EYS: variants seen among roughly 807,000 people sequenced by gnomAD.
EYS encodes protein eyes shut homolog.
EYS carries 250 observed loss-of-function variants against 282.1 expected under a neutral mutation model. That is an observed-to-expected ratio of 0.89 (90% confidence interval 0.80 to 0.98). EYS has a LOEUF of 0.98. Among genes scored for constraint, EYS ranks in the 50% least tolerant of loss-of-function variants. EYS has a pLI of 0.00. For synonymous variants in EYS, 1,355 were observed against 1,282.9 expected (o/e 1.06, Z -1.20); for missense variants, 4,016 against 3,709.0 (o/e 1.08, Z -2.15).
chr6:65,431,998 T>A (rs185631628), intron 5 of EYS, among the ~76,000 whole-genome samples: 1 of 152,238 alleles, frequency 6.6e-6, no homozygotes, highest in Non-Finnish European at 1.5e-5. Context: ...CCAAAAACAA[T>A]TCCTCACTAG....
rs190424751 is a variant in EYS, at chr6:64,386,178, T to C, written c.6078+2512A>G. ...AGCAGGAACACACACAAAGGACTGA[T>C]GGATTAGTGGTGATGGCAAGCCAGT... On this transcript the variant is annotated intron_variant, in intron 29 of 42. Coordinates refer to ENST00000503581, the MANE Select transcript of EYS (RefSeq NM_001142800.2). 6.6e-5 allele frequency among the ~76,000 whole-genome samples: 10 copies of C among 152,274 alleles called. No homozygotes were observed. The East Asian group carries it at 1.7e-3, about 26-fold the overall frequency.
rs542256439 is a variant in EYS, at chr6:65,263,246, TG to T, written c.2023+32616del. Among the ~76,000 whole-genome samples the T allele has an allele frequency of 7.9e-5, 12 of 151,950 alleles. No homozygotes were observed. In the East Asian group the frequency reaches 2.1e-3, roughly 27 times the overall value. On this transcript the variant is annotated intron_variant, in intron 12 of 42. Coordinates refer to ENST00000503581, the MANE Select transcript of EYS (RefSeq NM_001142800.2). Reference sequence around the variant, plus strand: ...GTCCCAGCTACTCAGAAGGCTGAAGTGGGATGATCACCTGAGCCCAGGAGGT... The same window carrying T: ...GTCCCAGCTACTCAGAAGGCTGAAGTGGATGATCACCTGAGCCCAGGAGGT...
At chr6:64,912,436 C>T (rs1768028410) in intron 16 of EYS, 48 bp downstream of exon 16, 1 of 1,506,510 alleles carries the variant, frequency 6.6e-7, no homozygotes, top group African/African-American at 1.4e-5. Flanking sequence ...AATACACAAA[C>T]TAATTAAGTA....
At chr6:64,301,695 G>GA (rs1561916888) in intron 30 of EYS, among the ~76,000 whole-genome samples, 2 of 151,942 alleles carry the variant, frequency 1.3e-5, no homozygotes, top group Non-Finnish European at 2.9e-5. Flanking sequence ...CGCAGGCCAT[G>GA]TAGACCTTGC....
At chr6:63,928,320 A>C (rs1764781161) in intron 35 of EYS, among the ~76,000 whole-genome samples, 1 of 152,172 alleles carries the variant, frequency 6.6e-6, no homozygotes, top group South Asian at 2.1e-4. Flanking sequence ...ATAATGCTAT[A>C]CTGATTCATT....
chr6:65,279,137 C>T (rs1323700320), intron 12 of EYS, among the ~76,000 whole-genome samples: 2 of 151,850 alleles, frequency 1.3e-5, no homozygotes, highest in Non-Finnish European at 2.9e-5. Flanking sequence ...GACAATGAGC[C>T]AAGATCACGC....
In EYS at chr6:64,658,080, CTCT is replaced by C. The variant is rs1768823203; in HGVS notation, c.3444-31838_3444-31836del. Among the ~76,000 whole-genome samples, 3 of 152,202 alleles carry C rather than the reference CTCT, an allele frequency of 2.0e-5. No individual in the cohort carries two copies. The South Asian group carries it at 6.2e-4, about 32-fold the overall frequency. ...TTTTTACTCTTTTTCCTCTAAACTTCTCTTCTTGCTTCATTTCATTCATTTGAT... is the reference window on the plus strand; with the variant it reads ...TTTTTACTCTTTTTCCTCTAAACTTCTCTTGCTTCATTTCATTCATTTGAT... On this transcript the variant is annotated intron_variant, in intron 22 of 42. Transcript: ENST00000503581.
chr6:65,054,722 A>C (rs188787198), intron 13 of EYS, among the ~76,000 whole-genome samples: 6 of 152,148 alleles, frequency 3.9e-5, no homozygotes, highest in Middle Eastern at 6.8e-3. Flanking sequence ...AAATAATTTA[A>C]CCTTGTTTTT....
At chr6:64,982,260 A>C (rs9354197) in intron 14 of EYS, among the ~76,000 whole-genome samples, 10,198 of 151,414 alleles carry the variant, frequency 0.067, 434 homozygotes, top group East Asian at 0.13. Context: ...CAAAGTTTTG[A>C]ATTACTGTAG....
At chr6:64,513,937 G>A (rs1322759774) in intron 26 of EYS, among the ~76,000 whole-genome samples, 2 of 151,834 alleles carry the variant, frequency 1.3e-5, no homozygotes, top group Non-Finnish European at 2.9e-5. Context: ...GACCACTGCT[G>A]TACTATGGAA....
chr6:63,803,986 CT>C (rs1770841368), intron 37 of EYS, among the ~76,000 whole-genome samples: 1 of 152,068 alleles, frequency 6.6e-6, no homozygotes, highest in African/African-American at 2.4e-5. Context: ...AAAAGATACA[CT>C]ACCGTGTTTA....
intron 36 of EYS, among the ~76,000 whole-genome samples, chr6:63,813,950 G>T (rs1281968506): frequency 2.0e-5 from 3 of 152,166 alleles, no homozygotes; most frequent in Non-Finnish European, 4.4e-5. Context: ...GGATAAATTT[G>T]CAAAAATACA....
intron 19 of EYS, among the ~76,000 whole-genome samples, chr6:64,874,374 A>C (rs922695738): frequency 6.6e-6 from 1 of 152,096 alleles, no homozygotes; most frequent in Non-Finnish European, 1.5e-5. Flanking sequence ...AATTAGTGAA[A>C]AATCTGTTTT....
chr6:64,655,069 G>A (rs906091552), intron 22 of EYS, among the ~76,000 whole-genome samples: 1 of 151,876 alleles, frequency 6.6e-6, no homozygotes, highest in African/African-American at 2.4e-5. Context: ...GAAAAAAATC[G>A]ATCCATCAAA....
intron 19 of EYS, among the ~76,000 whole-genome samples, chr6:64,875,421 C>T (rs766695206): frequency 6.6e-6 from 1 of 152,026 alleles, no homozygotes; most frequent in Non-Finnish European, 1.5e-5. Context: ...CAGTTGGGTG[C>T]TCCGGGCTAT....
At chr6:64,888,344 C>T (rs980151208) in intron 18 of EYS, among the ~76,000 whole-genome samples, 61 of 151,864 alleles carry the variant, frequency 4.0e-4, no homozygotes, top group African/African-American at 1.4e-3. Context: ...TATCCTTATT[C>T]GTTCATTACA....
At chr6:65,231,051 GTA>G (rs201704316) in intron 12 of EYS, among the ~76,000 whole-genome samples, 14 of 144,790 alleles carry the variant, frequency 9.7e-5, no homozygotes, top group South Asian at 6.4e-4. Context: ...AAAATTAAAA[GTA>G]TATATATATG....
chr6:65,005,104 G>A lies in EYS; in HGVS notation c.2138-7401C>T, dbSNP rs984251980. On this transcript the variant is annotated intron_variant, in intron 13 of 42. Transcript: ENST00000503581. ...TTGTTATGGCTTGAGCTGAGCTTTC[G>A]CTTGCCGTCCACCACTGCTGTTTGC... Among the ~76,000 whole-genome samples the A allele has an allele frequency of 8.8e-5, 13 of 147,532 alleles. 1 individual carries two copies. Among genetic ancestry groups the A allele is most frequent in the Non-Finnish European group, 1.4e-4 (9 of 65,904 alleles).
At chr6:65,083,527 T>C (rs914974219) in intron 12 of EYS, among the ~76,000 whole-genome samples, 1 of 151,988 alleles carries the variant, frequency 6.6e-6, no homozygotes. Context: ...TGATTTATAT[T>C]CAATGATTTG....
Sources: allele counts gnomAD v4.1 joint callset (sites outside exome capture counted in the v4.1 genomes callset), GRCh38; gene constraint gnomAD v4.1.1; transcripts MANE v1.5; gene names NCBI Gene and HGNC (gene_info 2026-07-23, HGNC 2026-07-21).